Variants in ASCC3 observed in about 807,000 individuals in gnomAD.
ASCC3 encodes activating signal cointegrator 1 complex subunit 3.
A neutral mutation model predicts 256.3 loss-of-function variants in ASCC3; 158 were observed. The ratio of observed to expected loss-of-function variants is 0.62; its 90% CI spans 0.54 to 0.70. The LOEUF (loss-of-function observed/expected upper bound fraction) is 0.70, where lower values mean the gene tolerates loss of function less well. ASCC3 is among the 30% of genes least tolerant of loss of function. The pLI, the probability that ASCC3 is intolerant of heterozygous loss-of-function variation, is 0.00. For missense variants in ASCC3, 2,259 were observed against 2,626.0 expected, an observed-to-expected ratio of 0.86 and a Z score of 3.05; for synonymous variants, 948 against 883.4, an observed-to-expected ratio of 1.07 and a Z score of -1.30.
At chr6:100,662,598 T>C in intron 14 of ASCC3, 62 bp from the exon 15 acceptor site, 1 of 1,505,204 alleles carries the variant, frequency 6.6e-7, no homozygotes, top group South Asian at 1.1e-5. Context: ...TTTTAGCATT[T>C]CTGTTGTATG....
intron 8 of ASCC3, among the ~76,000 whole-genome samples, chr6:100,768,223 A>G (rs1337906689): frequency 6.6e-6 from 1 of 152,128 alleles, no homozygotes; most frequent in Non-Finnish European, 1.5e-5. Flanking sequence ...GGTGTAGAAT[A>G]TACGATATTA....
At chr6:100,535,020 C>T (rs1775093157) in intron 37 of ASCC3, among the ~76,000 whole-genome samples, 1 of 152,120 alleles carries the variant, frequency 6.6e-6, no homozygotes, top group Admixed American at 6.5e-5. Context: ...CTTCCAAGTC[C>T]TGAAATTGTT....
chr6:100,606,134 C>T (rs1772874478), intron 32 of ASCC3, among the ~76,000 whole-genome samples: 1 of 152,014 alleles, frequency 6.6e-6, no homozygotes, highest in African/African-American at 2.4e-5. Context: ...GTCCTCCCTG[C>T]ACCCCGGTAT....
At chr6:100,596,991 A>G (rs927110613) in intron 34 of ASCC3, among the ~76,000 whole-genome samples, 4 of 152,150 alleles carry the variant, frequency 2.6e-5, no homozygotes, top group Non-Finnish European at 4.4e-5. Context: ...CCTTGAATAC[A>G]CCAGGCATGC....
At chr6:100,775,588 TC>T (rs1262260408) in intron 8 of ASCC3, among the ~76,000 whole-genome samples, 1 of 151,992 alleles carries the variant, frequency 6.6e-6, no homozygotes, top group Non-Finnish European at 1.5e-5. Context: ...AATAAACATC[TC>T]AAAAAAATCT....
Position 100,601,742 on chromosome 6 carries a change from T to C in ASCC3, c.5303+68A>G, listed in dbSNP as rs935602128. Reference sequence around the variant, plus strand: ...TTTTTGTATGTACCTTAATTTGGAGTTTATTACTTTCAAATATGTCTTATT... The same window carrying C: ...TTTTTGTATGTACCTTAATTTGGAGCTTATTACTTTCAAATATGTCTTATT... On this transcript the variant is annotated intron_variant, in intron 34 of 41. Transcript: ENST00000369162. 2.5e-5 allele frequency: 40 copies of C among 1,575,004 alleles called. No homozygotes were observed. In the South Asian group the frequency reaches 4.4e-4, roughly 17 times the overall value.
rs565997114 is a variant in ASCC3, at chr6:100,766,170, C to A, written c.1737+395G>T. 2.0e-5 allele frequency among the ~76,000 whole-genome samples: 3 copies of A among 152,146 alleles called. No individual in the cohort carries two copies. In the South Asian group the frequency reaches 6.2e-4, roughly 32 times the overall value. On this transcript the variant is annotated intron_variant, in intron 10 of 41. Coordinates refer to ENST00000369162, the MANE Select transcript of ASCC3 (RefSeq NM_006828.4). ...GATGAAATAATGAATGACCAAAAAGCTTATTATATGTTAAGCCATTCTTAT... is the reference window on the plus strand; with the variant it reads ...GATGAAATAATGAATGACCAAAAAGATTATTATATGTTAAGCCATTCTTAT...
chr6:100,652,974 C>T, intron 17 of ASCC3, 85 bp from the exon 18 acceptor site: 1 of 1,342,760 alleles, frequency 7.4e-7, no homozygotes, highest in Non-Finnish European at 1.0e-6. Context: ...GAAATTAAAA[C>T]TTTTCTTAAT....
chr6:100,549,819 C>T (rs909539505), intron 36 of ASCC3, among the ~76,000 whole-genome samples: 3 of 151,886 alleles, frequency 2.0e-5, no homozygotes, highest in Non-Finnish European at 2.9e-5. Flanking sequence ...AGACATTCTA[C>T]AGAGAAGAGC....
chr6:100,589,759 T>C lies in ASCC3; in HGVS notation c.5425A>G (p.Ser1809Gly). Residue 1809 changes from serine to glycine, a missense_variant, in exon 36 of 42, where the codon AGC (serine) becomes GGC (glycine). Ser to Gly is a moderately conservative substitution (Grantham distance 56). Transcript: ENST00000369162. ...CGGCCATAAGTTAGAGGTTCAATGC[T>C]GCGATTATCCTATTTCAAAAGAATA... ...YCIEIGEDNRSIEPLTYGRIA... is the reference protein window; with the variant it reads ...YCIEIGEDNRGIEPLTYGRIA... 2 of 1,613,704 alleles carry C rather than the reference T, an allele frequency of 1.2e-6. No homozygotes were observed. Among genetic ancestry groups the C allele is most frequent in the Admixed American group, 3.3e-5 (2 of 59,998 alleles).
rs371334804 is a variant in ASCC3, at chr6:100,764,749, T to C, written c.1737+1816A>G. 2.0e-5 allele frequency among the ~76,000 whole-genome samples: 3 copies of C among 152,278 alleles called. No homozygotes were observed. In the East Asian group the frequency reaches 5.8e-4, roughly 29 times the overall value. On this transcript the variant is annotated intron_variant, in intron 10 of 41. Transcript: ENST00000369162. ...GTCCTCCCTACTTCATGACCTAATCTAAGTCCAATTATCTCCCAAAGGCCT... is the reference window on the plus strand; with the variant it reads ...GTCCTCCCTACTTCATGACCTAATCCAAGTCCAATTATCTCCCAAAGGCCT...
rs1275438457 is a variant in ASCC3 at position 100,799,575 on chromosome 6, G to A, written c.1128-3C>T. The stretch of plus-strand genomic sequence containing the variant: ...TAGCATTCAGAAGTGCCTGTTCTCT[G>A]TAAACATAAAAATAGGCCTAATTTG... On this transcript the variant is annotated splice_polypyrimidine_tract_variant and splice_region_variant and intron_variant, in intron 6 of 41. Coordinates refer to ENST00000369162, the MANE Select transcript of ASCC3 (RefSeq NM_006828.4). The A allele has an allele frequency of 1.2e-6, 2 of 1,611,108 alleles. No individual in the cohort carries two copies. Among genetic ancestry groups the A allele is most frequent in the East Asian group, 2.2e-5 (1 of 44,770 alleles).
intron 33 of ASCC3, among the ~76,000 whole-genome samples, chr6:100,602,793 A>G (rs546514142): frequency 4.6e-5 from 7 of 152,238 alleles, no homozygotes; most frequent in African/African-American, 1.7e-4. Flanking sequence ...TTAGTTTCTT[A>G]TGTTAAATAT....
At chr6:100,659,108 T>C (rs1162139302) in intron 16 of ASCC3, among the ~76,000 whole-genome samples, 1 of 151,390 alleles carries the variant, frequency 6.6e-6, no homozygotes. Context: ...ATTTCTCCAG[T>C]TCTCCTAAAC....
intron 14 of ASCC3, among the ~76,000 whole-genome samples, chr6:100,670,291 C>G (rs1287494371): frequency 6.6e-6 from 1 of 151,894 alleles, no homozygotes; most frequent in African/African-American, 2.4e-5. Flanking sequence ...GGGTAAAGCA[C>G]AGTCTTCCCA....
intron 10 of ASCC3, among the ~76,000 whole-genome samples, chr6:100,730,008 G>GA (rs1282191590): frequency 2.0e-5 from 3 of 152,084 alleles, no homozygotes; most frequent in East Asian, 1.9e-4. Flanking sequence ...CTAAGAAGGT[G>GA]AAAAAATACC....
chr6:100,726,247 A>G (rs530901705), intron 10 of ASCC3, among the ~76,000 whole-genome samples: 1 of 152,116 alleles, frequency 6.6e-6, no homozygotes, highest in Non-Finnish European at 1.5e-5. Flanking sequence ...TAAAACAAAA[A>G]GACACCATAA....
intron 37 of ASCC3, among the ~76,000 whole-genome samples, chr6:100,538,653 A>G (rs1775287816): frequency 6.6e-6 from 1 of 152,148 alleles, no homozygotes; most frequent in African/African-American, 2.4e-5. Context: ...ATGTTCATAT[A>G]CAGATATGGA....
At chr6:100,853,187 A>AT (rs1391955365) in intron 3 of ASCC3, among the ~76,000 whole-genome samples, 3 of 152,204 alleles carry the variant, frequency 2.0e-5, no homozygotes, top group Admixed American at 6.5e-5. Flanking sequence ...TTATAAAATA[A>AT]TTTTTTAAAA....
Sources: gnomAD v4.1 joint callset for allele counts (sites outside exome capture counted in the v4.1 genomes callset) on GRCh38, gnomAD v4.1.1 for gene constraint, MANE v1.5 for transcripts, NCBI Gene and HGNC (gene_info 2026-07-23, HGNC 2026-07-21) for gene names.